Variants in HTT-AS observed in about 807,000 individuals in gnomAD.
The protein encoded by HTT-AS is HTT antisense RNA, also known as HTT antisense RNA (head to head).
At chr4:3,052,730 T>C (rs1037204669) in intron 2 of HTT-AS, among the ~76,000 whole-genome samples, 2 of 152,154 alleles carry the variant, frequency 1.3e-5, no homozygotes, top group African/African-American at 4.8e-5. Flanking sequence ...GGCTCACGCC[T>C]GTAATCCTAG....
At chr4:3,063,711 G>A (rs1711987835) in intron 1 of HTT-AS, 1 of 152,306 alleles carries the variant, frequency 6.6e-6, no homozygotes, top group African/African-American at 2.4e-5. Context: ...CTGCAAGAAA[G>A]AATTAGAGAC....
At chr4:3,058,059 G>A (rs1230683250) in intron 2 of HTT-AS, among the ~76,000 whole-genome samples, 1 of 150,812 alleles carries the variant, frequency 6.6e-6, no homozygotes, top group Non-Finnish European at 1.5e-5. Context: ...AGGCATGGTG[G>A]CTCACGCCTG....
At chr4:3,054,932 C>T (rs1711779107) in intron 2 of HTT-AS, among the ~76,000 whole-genome samples, 1 of 151,880 alleles carries the variant, frequency 6.6e-6, no homozygotes, top group African/African-American at 2.4e-5. Flanking sequence ...CCAGGCTGGT[C>T]TTGAACTCCT....
At chr4:3,051,889 C>G (rs1711710838) in intron 2 of HTT-AS, among the ~76,000 whole-genome samples, 1 of 151,668 alleles carries the variant, frequency 6.6e-6, no homozygotes, top group East Asian at 1.9e-4. Context: ...ATCCCTGAAA[C>G]AAACAAAAAA....
chr4:3,064,237 AG>A (rs1403053391), intron 1 of HTT-AS, among the ~76,000 whole-genome samples: 1 of 151,934 alleles, frequency 6.6e-6, no homozygotes, highest in East Asian at 1.9e-4. Flanking sequence ...TTGGGACTAC[AG>A]GTGTGTGCCA....
In HTT-AS at chr4:3,055,671, G is replaced by A. The variant is rs76850969; in HGVS notation, n.1381-5973C>T. On this transcript the variant is annotated intron_variant and non_coding_transcript_variant, in intron 2 of 2. Coordinates refer to ENST00000664062, the Ensembl canonical transcript of HTT-AS. ...TAAGCCAGAAGGAACCCAGTTTTCC[G>A]GAAATTAAGGAACCCATTTTTACCT... is the stretch of plus-strand genomic sequence containing the variant. 1.1e-3 allele frequency among the ~76,000 whole-genome samples: 174 copies of A among 152,224 alleles called. 1 individual carries two copies. The highest frequency in any genetic ancestry group is 4.0e-3 in the African/African-American group (168 of 41,540).
At chr4:3,064,692 C>T (rs182338378) in intron 1 of HTT-AS, among the ~76,000 whole-genome samples, 1 of 152,252 alleles carries the variant, frequency 6.6e-6, no homozygotes, top group Non-Finnish European at 1.5e-5. Flanking sequence ...AAACACCAGG[C>T]TCAAACAATC....
chr4:3,073,437 T>G (rs1173891612), intron 1 of HTT-AS, among the ~76,000 whole-genome samples: 1 of 152,202 alleles, frequency 6.6e-6, no homozygotes, highest in Non-Finnish European at 1.5e-5. Flanking sequence ...AGACCTCTGC[T>G]GAGCTGCTGC....
chr4:3,050,048 T>C (rs1711675293), intron 2 of HTT-AS, among the ~76,000 whole-genome samples: 1 of 151,490 alleles, frequency 6.6e-6, no homozygotes, highest in Non-Finnish European at 1.5e-5. Context: ...CACACACCAA[T>C]GTATTTAATT....
intron 2 of HTT-AS, among the ~76,000 whole-genome samples, chr4:3,061,804 A>T (rs1276361335): frequency 6.7e-6 from 1 of 150,106 alleles, no homozygotes; most frequent in African/African-American, 2.5e-5. Flanking sequence ...ACATGATGAA[A>T]CCCCATCTCT....
chr4:3,052,065 A>G (rs534558978), intron 2 of HTT-AS, among the ~76,000 whole-genome samples: 27 of 152,286 alleles, frequency 1.8e-4, no homozygotes, highest in African/African-American at 6.5e-4. Flanking sequence ...CCAGCTGAAA[A>G]TTAACTACTC....
At chr4:3,056,684 T>C (rs1220425302) in intron 2 of HTT-AS, among the ~76,000 whole-genome samples, 1 of 152,210 alleles carries the variant, frequency 6.6e-6, no homozygotes, top group Non-Finnish European at 1.5e-5. Context: ...TCACCAAAAA[T>C]CAGGTTTTTC....
At chr4:3,050,742 T>C (rs1487470833) in intron 2 of HTT-AS, among the ~76,000 whole-genome samples, 1 of 152,202 alleles carries the variant, frequency 6.6e-6, no homozygotes, top group Non-Finnish European at 1.5e-5. Flanking sequence ...TTGGAACATA[T>C]ATTAATATCA....
chr4:3,059,618 C>T (rs1331462494), intron 2 of HTT-AS, among the ~76,000 whole-genome samples: 1 of 151,686 alleles, frequency 6.6e-6, no homozygotes, highest in Non-Finnish European at 1.5e-5. Context: ...GAGACAGAGT[C>T]TCGCTCCGTC....
chr4:3,046,183 T>G (rs1268235768), downstream of HTT-AS, among the ~76,000 whole-genome samples: 5 of 152,236 alleles, frequency 3.3e-5, no homozygotes, highest in Non-Finnish European at 4.4e-5. Context: ...ATTCACGAAT[T>G]GGGCAGCCCC....
chr4:3,050,131 G>A (rs1711676715), intron 2 of HTT-AS, among the ~76,000 whole-genome samples: 1 of 152,134 alleles, frequency 6.6e-6, no homozygotes, highest in African/African-American at 2.4e-5. Flanking sequence ...TAAGGACTCA[G>A]GAAGGACAAG....
rs540019528 is a variant in HTT-AS at position 3,060,637 on chromosome 4, G to A, written n.1380+1797C>T. Among the ~76,000 whole-genome samples, 4 of 152,248 alleles carry A rather than the reference G, an allele frequency of 2.6e-5. No homozygotes were observed. The South Asian group carries it at 8.3e-4, about 32-fold the overall frequency. On this transcript the variant is annotated intron_variant and non_coding_transcript_variant, in intron 2 of 2. Coordinates refer to ENST00000664062, the Ensembl canonical transcript of HTT-AS. ...CTAACAAAGAGCAGCCTGTAAAATCGAGCTGCAGACATACACAAGCAAGCT... is the reference window on the plus strand; with the variant it reads ...CTAACAAAGAGCAGCCTGTAAAATCAAGCTGCAGACATACACAAGCAAGCT...
At chr4:3,064,785 A>G (rs1355451707) in intron 1 of HTT-AS, among the ~76,000 whole-genome samples, 1 of 152,194 alleles carries the variant, frequency 6.6e-6, no homozygotes, top group Non-Finnish European at 1.5e-5. Context: ...GAAAAACAAA[A>G]CTTCCCAATT....
At chr4:3,060,378 G>A (rs1314349046) in intron 2 of HTT-AS, among the ~76,000 whole-genome samples, 2 of 152,002 alleles carry the variant, frequency 1.3e-5, no homozygotes, top group Non-Finnish European at 2.9e-5. Context: ...AGAGTTTGGT[G>A]GCATGATTAT....
Sources: allele counts gnomAD v4.1 joint callset (sites outside exome capture counted in the v4.1 genomes callset), GRCh38; gene constraint gnomAD v4.1.1; transcripts MANE v1.5; gene names NCBI Gene and HGNC (gene_info 2026-07-23, HGNC 2026-07-21).